Variants in SLC44A5 observed in about 807,000 individuals in gnomAD.
SLC44A5 encodes choline transporter-like protein 5.
In SLC44A5, 57 loss-of-function variants were observed where a neutral mutation model predicts 101.8. That is an observed-to-expected ratio of 0.56 (90% CI 0.45 to 0.70). The LOEUF is 0.70. SLC44A5 is among the 30% of genes least tolerant of loss of function. The pLI, the probability that SLC44A5 is intolerant of heterozygous loss-of-function variation, is 0.00. For missense variants in SLC44A5, 737 were observed against 853.1 expected (o/e 0.86, Z 1.70); for synonymous variants, 281 against 290.9 (o/e 0.97, Z 0.35).
intron 23 of SLC44A5, among the ~76,000 whole-genome samples, chr1:75,207,818 T>A (rs995380571): frequency 6.6e-6 from 1 of 152,164 alleles, no homozygotes; most frequent in Non-Finnish European, 1.5e-5. Context: ...TAATTTTAAA[T>A]TGTGTACTAT....
Position 75,222,233 on chromosome 1 carries a change from G to T in SLC44A5, c.1085+128C>A. On this transcript the variant is annotated intron_variant, in intron 14 of 23. Coordinates refer to ENST00000370859, the MANE Select transcript of SLC44A5 (RefSeq NM_001130058.2). ...GGCCTCCCAAAGTGCTGGGATTACA[G>T]GTGTGAACCACCGCGCCCAGCAAAA... 3 of 686,096 alleles carry T rather than the reference G, an allele frequency of 4.4e-6. No individual in the cohort carries two copies. The South Asian group carries it at 5.3e-5, about 12-fold the overall frequency. 42.5% of individuals were successfully genotyped at this position (686,096 alleles called of 1,614,324 possible).
At chr1:75,554,311 T>C (rs780739375) in intron 1 of SLC44A5, among the ~76,000 whole-genome samples, 8 of 151,802 alleles carry the variant, frequency 5.3e-5, no homozygotes, top group Non-Finnish European at 1.2e-4. Context: ...ACTTCATCTC[T>C]ACAAAAATTA....
chr1:75,568,556 A>C (rs1209766863), intron 1 of SLC44A5, among the ~76,000 whole-genome samples: 2 of 152,106 alleles, frequency 1.3e-5, no homozygotes, highest in Non-Finnish European at 2.9e-5. Context: ...CAGAGAATGA[A>C]CTTGTCCTTT....
intron 3 of SLC44A5, among the ~76,000 whole-genome samples, chr1:75,341,772 C>T (rs774640330): frequency 6.6e-6 from 1 of 152,084 alleles, no homozygotes; most frequent in Non-Finnish European, 1.5e-5. Flanking sequence ...TGATGTTGAA[C>T]AGTAATATTT....
chr1:75,472,957 T>C (rs946738773), intron 2 of SLC44A5, among the ~76,000 whole-genome samples: 15 of 152,316 alleles, frequency 9.8e-5, no homozygotes, highest in South Asian at 6.2e-4. Flanking sequence ...GTGTGATGAA[T>C]TGTCATCTCC....
chr1:75,396,498 C>G, intron 3 of SLC44A5, 85 bp downstream of exon 3: 2 of 1,134,628 alleles, frequency 1.8e-6, no homozygotes, highest in South Asian at 1.5e-5. Context: ...TTCGCTATTC[C>G]TAGATTTTAA....
intron 2 of SLC44A5, among the ~76,000 whole-genome samples, chr1:75,483,704 T>G (rs1484804908): frequency 6.6e-6 from 1 of 152,242 alleles, no homozygotes; most frequent in Non-Finnish European, 1.5e-5. Flanking sequence ...TTGGACTAGA[T>G]GATCTCTAAG....
Position 75,203,201 on chromosome 1 carries a change from G to A in SLC44A5, c.*526C>T, listed in dbSNP as rs1436520151. On this transcript the variant is annotated 3_prime_UTR_variant, in exon 24 of 24. Coordinates refer to ENST00000370859, the MANE Select transcript of SLC44A5 (RefSeq NM_001130058.2). ...GCTAAGTAGTAAAGGCTGGATGATT[G>A]GCAATTTGTTTAAGAGGAAACATTC... 6.6e-6 allele frequency: 1 copy of A among 152,134 alleles called. No individual in the cohort carries two copies. The highest frequency in any genetic ancestry group is 1.5e-5 in the Non-Finnish European group (1 of 68,026). 9.4% of individuals were successfully genotyped at this position (152,134 alleles called of 1,614,324 possible). A position where few individuals can be genotyped will look rare whatever the true frequency, so the allele number is the denominator to read the frequency against.
intron 7 of SLC44A5, among the ~76,000 whole-genome samples, chr1:75,250,047 C>T (rs1649431666): frequency 6.6e-6 from 1 of 152,106 alleles, no homozygotes; most frequent in African/African-American, 2.4e-5. Context: ...AGGTTTGTTA[C>T]ATAGGTAAAC....
chr1:75,579,836 C>T (rs1673582644), intron 1 of SLC44A5, among the ~76,000 whole-genome samples: 1 of 152,082 alleles, frequency 6.6e-6, no homozygotes, highest in Admixed American at 6.5e-5. Flanking sequence ...TACACACACA[C>T]ACACACAAAC....
chr1:75,326,658 T>C (rs966639859), intron 4 of SLC44A5, among the ~76,000 whole-genome samples: 2 of 152,192 alleles, frequency 1.3e-5, no homozygotes, highest in African/African-American at 4.8e-5. Flanking sequence ...GTACAAGCAT[T>C]GTATTATGTA....
the SLC44A5 span, among the ~76,000 whole-genome samples, chr1:75,707,627 C>A: frequency 3.9e-5 from 6 of 152,138 alleles, no homozygotes; most frequent in Admixed American, 2.0e-4. Flanking sequence ...GGATCCCCCA[C>A]AAATAAAAGG....
chr1:75,523,351 C>T (rs1192321673), intron 2 of SLC44A5, among the ~76,000 whole-genome samples: 1 of 152,098 alleles, frequency 6.6e-6, no homozygotes, highest in Non-Finnish European at 1.5e-5. Flanking sequence ...TATGTTAGAT[C>T]CCCCAGGCTG....
At chr1:75,245,666 A>G (rs1649043711) in intron 7 of SLC44A5, among the ~76,000 whole-genome samples, 1 of 152,140 alleles carries the variant, frequency 6.6e-6, no homozygotes, top group South Asian at 2.1e-4. Context: ...TGTATACTAC[A>G]CATAGAAAAG....
At position 75,473,808 on chromosome 1, in the gene SLC44A5, T is replaced by G. The variant is rs1459626260; in HGVS notation, c.13+67627A>C. On this transcript the variant is annotated intron_variant, in intron 2 of 23. Coordinates refer to ENST00000370859, the MANE Select transcript of SLC44A5 (RefSeq NM_001130058.2). Reference sequence around the variant, plus strand: ...ATAAGAAAATAATTTTTTCCTCTGTTGTGGCCTTTTCCAACTTTGTCCAAT... The same window carrying G: ...ATAAGAAAATAATTTTTTCCTCTGTGGTGGCCTTTTCCAACTTTGTCCAAT... Among the ~76,000 whole-genome samples the G allele has an allele frequency of 2.0e-5, 3 of 152,204 alleles. No individual in the cohort carries two copies. The East Asian group carries it at 5.8e-4, about 29-fold the overall frequency.
At position 75,475,819 on chromosome 1, in the gene SLC44A5, A is replaced by G. The variant is rs186959978; in HGVS notation, c.13+65616T>C. The stretch of plus-strand genomic sequence containing the variant: ...CTCCCAGCTTTACCACTTACTAATT[A>G]TGTGATGGTGGTGAACTTATTTAAC... On this transcript the variant is annotated intron_variant, in intron 2 of 23. Coordinates refer to ENST00000370859, the MANE Select transcript of SLC44A5 (RefSeq NM_001130058.2). Among the ~76,000 whole-genome samples, 52 of 152,332 alleles carry G rather than the reference A, an allele frequency of 3.4e-4. 1 individual carries two copies. The highest frequency in any genetic ancestry group is 1.3e-3 in the African/African-American group (52 of 41,586).
the SLC44A5 span, among the ~76,000 whole-genome samples, chr1:75,668,305 T>G: frequency 7.1e-6 from 1 of 140,546 alleles, no homozygotes; most frequent in South Asian, 2.3e-4. Context: ...ATGTCCTGGA[T>G]CCTAGGAGCC....
At chr1:75,529,330 A>G (rs867512109) in intron 2 of SLC44A5, among the ~76,000 whole-genome samples, 3 of 152,160 alleles carry the variant, frequency 2.0e-5, no homozygotes, top group Admixed American at 1.3e-4. Context: ...TGCCTCTATT[A>G]TCTCTTTCCT....
At chr1:75,308,421 G>A (rs745569055) in intron 4 of SLC44A5, among the ~76,000 whole-genome samples, 4 of 151,718 alleles carry the variant, frequency 2.6e-5, no homozygotes, top group Non-Finnish European at 5.9e-5. Flanking sequence ...AGGAGTTTAA[G>A]TGATGCCTGT....
Sources: gnomAD v4.1 joint callset for allele counts (sites outside exome capture counted in the v4.1 genomes callset) on GRCh38, gnomAD v4.1.1 for gene constraint, MANE v1.5 for transcripts, NCBI Gene and HGNC (gene_info 2026-07-23, HGNC 2026-07-21) for gene names.